Variants in NEK1 observed in about 807,000 individuals in gnomAD.
NEK1 encodes serine/threonine-protein kinase Nek1.
In NEK1, 137 loss-of-function variants were observed where a neutral mutation model predicts 182.1. The ratio of observed to expected loss-of-function variants is 0.75; its 90% CI spans 0.65 to 0.87. The LOEUF is 0.87. NEK1 is among the 40% of genes least tolerant of loss of function. The probability of loss-of-function intolerance (pLI) is 0.00; values close to 1 mark genes in which losing one functional copy is unlikely to be tolerated. For missense variants in NEK1, 1,391 were observed against 1,494.4 expected, an observed-to-expected ratio of 0.93 and a Z score of 1.14; for synonymous variants, 513 against 492.2, an observed-to-expected ratio of 1.04 and a Z score of -0.56.
At chr4:169,495,802 G>A (rs2149635512) in intron 23 of NEK1, among the ~76,000 whole-genome samples, 1 of 152,238 alleles carries the variant, frequency 6.6e-6, no homozygotes, top group South Asian at 2.1e-4. Context: ...TTTGGTTACT[G>A]TAGCCTTGTA....
In NEK1 at chr4:169,413,796, C is replaced by T. The variant is rs192499093; in HGVS notation, c.3223-7049G>A. On this transcript the variant is annotated intron_variant, in intron 31 of 35. Coordinates refer to ENST00000507142, the MANE Select transcript of NEK1 (RefSeq NM_001199397.3). ...CTTTGGGAAGCCGAGGTGGGCAGAT[C>T]GCTTGAGGTCAGGAGTTCAAGATGA... Among the ~76,000 whole-genome samples the T allele has an allele frequency of 1.3e-3, 203 of 152,290 alleles. 2 individuals are homozygous for T. Among genetic ancestry groups the T allele is most frequent in the Non-Finnish European group, 3.8e-4 (26 of 68,032 alleles).
At chr4:169,541,118 G>A (rs9997321) in intron 18 of NEK1, among the ~76,000 whole-genome samples, 43,183 of 151,944 alleles carry the variant, frequency 0.28, 8,771 homozygotes, top group African/African-American at 0.58. Context: ...AATGAGTAAT[G>A]TGGTATTGGG....
At position 169,577,019 on chromosome 4, in the gene NEK1, T is replaced by A. The variant is rs763253644; in HGVS notation, c.929A>T (p.Lys310Met). 6.2e-7 allele frequency: 1 copy of A among 1,613,666 alleles called. No individual in the cohort carries two copies. Among genetic ancestry groups the A allele is most frequent in the South Asian group, 1.1e-5 (1 of 91,076 alleles). ...AGGTATTCCATATTTAGCGGCAGGCTTTGTAATTTTCTGAGCAGGCATAAC... is the reference window on the plus strand; with the variant it reads ...AGGTATTCCATATTTAGCGGCAGGCATTGTAATTTTCTGAGCAGGCATAAC... The part of the protein sequence containing the change: ...ISVMPAQKIT[K>M]PAAKYGIPLA... Residue 310 changes from lysine to methionine, a missense_variant, in exon 12 of 36, where the codon AAG becomes ATG. Coordinates refer to ENST00000507142, the MANE Select transcript of NEK1 (RefSeq NM_001199397.3).
At chr4:169,411,173 T>C (rs1445411062) in intron 31 of NEK1, among the ~76,000 whole-genome samples, 1 of 152,200 alleles carries the variant, frequency 6.6e-6, no homozygotes, top group African/African-American at 2.4e-5. Flanking sequence ...TTCCAAGGAC[T>C]AGTCACAGGA....
At chr4:169,395,368 C>T (rs1489025238) in intron 35 of NEK1, among the ~76,000 whole-genome samples, 1 of 152,108 alleles carries the variant, frequency 6.6e-6, no homozygotes, top group Non-Finnish European at 1.5e-5. Context: ...TTTCATTCCC[C>T]ACCTTCCTTA....
intron 23 of NEK1, among the ~76,000 whole-genome samples, chr4:169,505,688 G>C (rs1438904146): frequency 1.3e-5 from 2 of 152,172 alleles, no homozygotes; most frequent in Admixed American, 6.5e-5. Flanking sequence ...TAAACTATAG[G>C]AACTGTTGTT....
chr4:169,450,222 T>A (rs1213262614), intron 27 of NEK1, among the ~76,000 whole-genome samples: 1 of 152,006 alleles, frequency 6.6e-6, no homozygotes, highest in Non-Finnish European at 1.5e-5. Flanking sequence ...CTGAAAGTGA[T>A]GGGGAGAATG....
Position 169,400,347 on chromosome 4 carries a change from TCATGAATAGCCTATACCAAATTCC to T in NEK1, c.3715-14_3724del. 6.6e-7 allele frequency: 1 copy of T among 1,520,770 alleles called. No homozygotes were observed. Among genetic ancestry groups the T allele is most frequent in the Non-Finnish European group, 8.9e-7 (1 of 1,123,804 alleles). The allele number at this position is 1,520,770 out of a possible 1,614,324, so 94.2% of individuals were successfully genotyped here. On this transcript the variant is annotated splice_acceptor_variant and splice_polypyrimidine_tract_variant and coding_sequence_variant and intron_variant, in exon 35 of 36. Transcript: ENST00000507142. LOFTEE classifies it high-confidence loss of function. ...AATTTCAATATTTTCATCTTCATCTTCATGAATAGCCTATACCAAATTCCCAAATATAAATTAATATTTGAATAA... is the reference window on the plus strand; with the variant it reads ...AATTTCAATATTTTCATCTTCATCTTCAAATATAAATTAATATTTGAATAA...
intron 19 of NEK1, among the ~76,000 whole-genome samples, chr4:169,521,870 A>T (rs1162630138): frequency 6.6e-6 from 1 of 152,124 alleles, no homozygotes; most frequent in Non-Finnish European, 1.5e-5. Flanking sequence ...TCTTTTTAAA[A>T]ACATTTCTTA....
chr4:169,538,015 G>T, intron 18 of NEK1, 104 bp from the exon 19 acceptor site: 2 of 697,840 alleles, frequency 2.9e-6, no homozygotes, highest in Non-Finnish European at 4.8e-6. Flanking sequence ...AGAATATGAA[G>T]GCTGATGAAA....
intron 8 of NEK1, among the ~76,000 whole-genome samples, chr4:169,588,001 G>C (rs1015005811): frequency 6.6e-6 from 1 of 151,970 alleles, no homozygotes; most frequent in African/African-American, 2.4e-5. Context: ...ATTTGCAACA[G>C]CTACTGACTA....
intron 35 of NEK1, 134 bp from the exon 36 acceptor site, chr4:169,394,657 A>G (rs1256433899): frequency 3.9e-6 from 2 of 512,244 alleles, no homozygotes; most frequent in Non-Finnish European, 6.8e-6. Context: ...TTATTTTATC[A>G]CACATTCCTT....
rs974060137 is a variant in NEK1 at position 169,393,033 on chromosome 4, A to AT, written c.*1476dup. On this transcript the variant is annotated 3_prime_UTR_variant, in exon 36 of 36. Coordinates refer to ENST00000507142, the MANE Select transcript of NEK1 (RefSeq NM_001199397.3). ...CATCTTTTGAAATATGGCTAAAACA[A>AT]TTTTTTTCTACCATATTATACCCTT... 3 of 152,002 alleles carry AT rather than the reference A, an allele frequency of 2.0e-5. No individual in the cohort carries two copies. The highest frequency in any genetic ancestry group is 4.8e-5 in the African/African-American group (2 of 41,380). 9.4% of individuals were successfully genotyped at this position (152,002 alleles called of 1,614,324 possible). A position where few individuals can be genotyped will look rare whatever the true frequency, so the allele number is the denominator to read the frequency against.
intron 35 of NEK1, among the ~76,000 whole-genome samples, chr4:169,394,828 A>G (rs1236987276): frequency 1.3e-5 from 2 of 152,228 alleles, no homozygotes; most frequent in Non-Finnish European, 2.9e-5. Context: ...GTTTTGAAAC[A>G]TAGGTTTTCC....
At position 169,545,866 on chromosome 4, in the gene NEK1, T is replaced by C. The variant is rs544116461; in HGVS notation, c.1563-7955A>G. ...AATGTCTTCTTTTGAGAAGTGTCTG[T>C]TCATGTCCTTCGCCCACTTCAAGGA... On this transcript the variant is annotated intron_variant, in intron 18 of 35. Transcript: ENST00000507142. Among the ~76,000 whole-genome samples the C allele has an allele frequency of 2.6e-5, 4 of 152,282 alleles. No homozygotes were observed. In the South Asian group the frequency reaches 8.3e-4, roughly 32 times the overall value.
chr4:169,596,468 G>A (rs1011511169), intron 5 of NEK1, among the ~76,000 whole-genome samples: 1 of 152,054 alleles, frequency 6.6e-6, no homozygotes, highest in African/African-American at 2.4e-5. Context: ...CAAAAATACT[G>A]GTACATCTTT....
chr4:169,428,003 G>A (rs1461893172), intron 29 of NEK1, among the ~76,000 whole-genome samples: 1 of 146,714 alleles, frequency 6.8e-6, no homozygotes, highest in South Asian at 2.1e-4. Context: ...TTTTTTTTCT[G>A]TAGAGGTGGG....
chr4:169,414,773 C>T (rs186588856), intron 31 of NEK1, among the ~76,000 whole-genome samples: 20 of 152,214 alleles, frequency 1.3e-4, no homozygotes, highest in East Asian at 5.8e-4. Context: ...ACATTCTTCA[C>T]GGTACCCACA....
At chr4:169,496,949 C>G (rs1285006819) in intron 23 of NEK1, among the ~76,000 whole-genome samples, 1 of 152,126 alleles carries the variant, frequency 6.6e-6, no homozygotes, top group Non-Finnish European at 1.5e-5. Context: ...CCCTCTTTTT[C>G]TATTGATTGG....
Sources: gnomAD v4.1 joint callset for allele counts (sites outside exome capture counted in the v4.1 genomes callset) on GRCh38, gnomAD v4.1.1 for gene constraint, MANE v1.5 for transcripts, NCBI Gene and HGNC (gene_info 2026-07-23, HGNC 2026-07-21) for gene names.